The following RARB variants were observed in gnomAD, a reference collection of about 807,000 sequenced individuals.
RARB encodes HBV-activated protein.
Under a neutral mutation model 51.9 loss-of-function variants are expected in RARB, and 17 were observed. The observed-to-expected ratio is 0.33, with a 90% CI of 0.22 to 0.49. The LOEUF (loss-of-function observed/expected upper bound fraction) is 0.49. Among genes scored for constraint, RARB ranks in the 20% least tolerant of loss-of-function variants. The pLI, the probability that RARB is intolerant of heterozygous loss-of-function variation, is 0.99. For synonymous variants in RARB, 215 were observed against 195.4 expected (o/e 1.10, Z -0.84); for missense variants, 369 against 550.8 (o/e 0.67, Z 3.30).
intron 4 of RARB, among the ~76,000 whole-genome samples, chr3:25,164,026 G>A (rs7610341): frequency 0.061 from 9,313 of 152,174 alleles, 828 homozygotes; most frequent in African/African-American, 0.19. Flanking sequence ...ACTACAAGGA[G>A]TGCAGACAGA....
intron 2 of RARB, among the ~76,000 whole-genome samples, chr3:25,043,394 A>G (rs1698151595): frequency 6.6e-6 from 1 of 152,252 alleles, no homozygotes. Flanking sequence ...TACACCGGCA[A>G]CAGGCCAAGC....
rs562991564 is a variant in RARB, at chr3:25,544,214, A to G, written c.449-25544A>G. 3.7e-4 allele frequency among the ~76,000 whole-genome samples: 56 copies of G among 152,364 alleles called. 1 individual carries two copies. Among genetic ancestry groups the G allele is most frequent in the Admixed American group, 3.7e-3 (56 of 15,308 alleles). On this transcript the variant is annotated intron_variant, in intron 3 of 7. Coordinates refer to ENST00000330688, the MANE Select transcript of RARB (RefSeq NM_000965.5). ...ATTATTTTTGTTGAAAAAAATACAT[A>G]AATGCATAGAAAAACAATAAAATGA...
chr3:25,344,793 A>G (rs921284130), intron 5 of RARB, among the ~76,000 whole-genome samples: 31 of 152,198 alleles, frequency 2.0e-4, no homozygotes, highest in Admixed American at 6.5e-4. Context: ...ATATAACTAT[A>G]AAAGCTTTTT....
intron 2 of RARB, among the ~76,000 whole-genome samples, chr3:25,478,439 C>T (rs190304482): frequency 1.8e-4 from 27 of 152,322 alleles, no homozygotes; most frequent in African/African-American, 4.1e-4. Context: ...ATATGCATCT[C>T]TGTGCCCTCG....
intron 5 of RARB, among the ~76,000 whole-genome samples, chr3:25,295,065 G>C (rs1703885352): frequency 6.6e-6 from 1 of 152,146 alleles, no homozygotes; most frequent in African/African-American, 2.4e-5. Context: ...AAATTATATA[G>C]ACTATGTGTT....
chr3:25,428,465 G>A lies in RARB; in HGVS notation c.-267G>A, dbSNP rs1305523385. The A allele has an allele frequency of 4.0e-6, 5 of 1,264,972 alleles. No individual in the cohort carries two copies. The highest frequency in any genetic ancestry group is 5.0e-6 in the Non-Finnish European group (5 of 1,006,930). 78.4% of individuals were successfully genotyped at this position (1,264,972 alleles called of 1,614,324 possible). On this transcript the variant is annotated 5_prime_UTR_variant, in exon 1 of 8. Coordinates refer to ENST00000330688, the MANE Select transcript of RARB (RefSeq NM_000965.5). ...GCTTTTTGCAAGCATTTACTTGGAA[G>A]GAGAACTTGGGATCTTTCTGGGAAC... is the stretch of plus-strand genomic sequence containing the variant.
intron 2 of RARB, among the ~76,000 whole-genome samples, chr3:24,940,541 T>C (rs1197861968): frequency 6.6e-6 from 1 of 152,202 alleles, no homozygotes; most frequent in Non-Finnish European, 1.5e-5. Flanking sequence ...TCAAATTTCC[T>C]CTCCATCCAA....
At chr3:25,432,800 T>A (rs1465254522) in intron 1 of RARB, among the ~76,000 whole-genome samples, 1 of 152,202 alleles carries the variant, frequency 6.6e-6, no homozygotes, top group Non-Finnish European at 1.5e-5. Context: ...AAGGAATTTA[T>A]AATTTTTTAA....
At chr3:25,013,108 C>T (rs780466793) in intron 2 of RARB, among the ~76,000 whole-genome samples, 2 of 152,086 alleles carry the variant, frequency 1.3e-5, no homozygotes, top group African/African-American at 2.4e-5. Context: ...TGCTCAAGTT[C>T]TAGTCCATTT....
chr3:25,137,731 T>C (rs1187017681), intron 4 of RARB, among the ~76,000 whole-genome samples: 1 of 152,074 alleles, frequency 6.6e-6, no homozygotes, highest in Non-Finnish European at 1.5e-5. Flanking sequence ...AATAGCTGTG[T>C]GATGAGAAGC....
intron 5 of RARB, among the ~76,000 whole-genome samples, chr3:25,205,424 C>G (rs904029939): frequency 2.6e-5 from 4 of 152,158 alleles, no homozygotes; most frequent in Admixed American, 2.6e-4. Flanking sequence ...TGCGCTGCAT[C>G]CACTGTCCTG....
chr3:25,546,904 C>CA (rs1371932535), intron 3 of RARB, among the ~76,000 whole-genome samples: 2 of 152,136 alleles, frequency 1.3e-5, no homozygotes, highest in African/African-American at 4.8e-5. Flanking sequence ...ATCAAATAGT[C>CA]TTTGAAAAGA....
intron 2 of RARB, among the ~76,000 whole-genome samples, chr3:24,946,036 C>A (rs189319195): frequency 1.3e-5 from 2 of 152,070 alleles, no homozygotes; most frequent in African/African-American, 4.8e-5. Context: ...GAGGCCGAGG[C>A]AGGCAGATCA....
At position 25,187,473 on chromosome 3, in the gene RARB, T is replaced by A. The variant is rs1701005005; in HGVS notation, c.178+12898T>A. ...CAGTATGCTTTGCCATATGCATATA[T>A]GTTACATTTTTATAGCTTATTAAAC... On this transcript the variant is annotated intron_variant, in intron 5 of 11. Coordinates refer to the RARB transcript ENST00000383772. 3.3e-5 allele frequency among the ~76,000 whole-genome samples: 5 copies of A among 152,108 alleles called. No individual in the cohort carries two copies. In the South Asian group the frequency reaches 1.0e-3, roughly 32 times the overall value.
At chr3:25,157,387 T>TAC (rs1195146374) in intron 4 of RARB, among the ~76,000 whole-genome samples, 8 of 150,444 alleles carry the variant, frequency 5.3e-5, no homozygotes, top group Admixed American at 1.3e-4. Flanking sequence ...TGTGTATATA[T>TAC]ATGGTTTTTT....
chr3:24,941,755 C>T (rs920324331), intron 2 of RARB, among the ~76,000 whole-genome samples: 2 of 152,178 alleles, frequency 1.3e-5, no homozygotes, highest in African/African-American at 2.4e-5. Flanking sequence ...GACTGTAGAA[C>T]ACTTCATTCA....
chr3:25,292,985 G>T lies in RARB; in HGVS notation c.178+118410G>T, dbSNP rs530955507. Reference sequence around the variant, plus strand: ...CTCCGCGAGAGCCAAAAAGATCCTAGACACTCAGTAAAGGAGGTTGGTTTT... The same window carrying T: ...CTCCGCGAGAGCCAAAAAGATCCTATACACTCAGTAAAGGAGGTTGGTTTT... On this transcript the variant is annotated intron_variant, in intron 5 of 11. Transcript: ENST00000383772. Among the ~76,000 whole-genome samples the T allele has an allele frequency of 9.2e-5, 14 of 152,256 alleles. No homozygotes were observed. The South Asian group carries it at 2.7e-3, about 29-fold the overall frequency.
intron 3 of RARB, among the ~76,000 whole-genome samples, chr3:25,518,649 TCTC>T (rs1473874642): frequency 6.6e-6 from 1 of 152,156 alleles, no homozygotes; most frequent in Non-Finnish European, 1.5e-5. Context: ...AAGAGTTGAC[TCTC>T]CTCTTCATTC....
chr3:25,008,903 C>G (rs1367823777), intron 2 of RARB, among the ~76,000 whole-genome samples: 1 of 152,098 alleles, frequency 6.6e-6, no homozygotes, highest in East Asian at 1.9e-4. Flanking sequence ...TTTTTCATCT[C>G]CAGGTTTTCA....
Sources: gnomAD v4.1 joint callset for allele counts (sites outside exome capture counted in the v4.1 genomes callset) on GRCh38, gnomAD v4.1.1 for gene constraint, MANE v1.5 for transcripts, NCBI Gene and HGNC (gene_info 2026-07-23, HGNC 2026-07-21) for gene names.